The following ANKIB1 variants were observed in gnomAD, a reference collection of about 807,000 sequenced individuals.
The protein encoded by ANKIB1 is ankyrin repeat and IBR domain containing 1.
In ANKIB1, 43 loss-of-function variants were observed where a neutral mutation model predicts 122.1. The observed-to-expected ratio is 0.35, with a 90% confidence interval of 0.28 to 0.45. The LOEUF (loss-of-function observed/expected upper bound fraction) is 0.45, where lower values mean the gene tolerates loss of function less well. Ranked by LOEUF, ANKIB1 falls within the 20% of genes least tolerant of loss-of-function variation. The pLI, the probability that ANKIB1 is intolerant of heterozygous loss-of-function variation, is 1.00. For missense variants in ANKIB1, 992 were observed against 1,329.5 expected (o/e 0.75, Z 3.95); for synonymous variants, 390 against 442.0 (o/e 0.88, Z 1.48).
At chr7:92,359,530 A>G (rs922270993) in intron 9 of ANKIB1, among the ~76,000 whole-genome samples, 4 of 152,172 alleles carry the variant, frequency 2.6e-5, no homozygotes, top group African/African-American at 9.7e-5. Flanking sequence ...TGCAATAAAC[A>G]TATGTGTGTG....
chr7:92,260,177 C>G (rs1448829046), intron 1 of ANKIB1, among the ~76,000 whole-genome samples: 1 of 152,126 alleles, frequency 6.6e-6, no homozygotes, highest in South Asian at 2.1e-4. Flanking sequence ...AAGACCCTAC[C>G]TACACAGTTG....
At chr7:92,264,564 A>T (rs1205479790) in intron 1 of ANKIB1, among the ~76,000 whole-genome samples, 1 of 150,334 alleles carries the variant, frequency 6.7e-6, no homozygotes, top group Non-Finnish European at 1.5e-5. Context: ...CGCTTGACTA[A>T]TTTTTTTTTC....
At chr7:92,288,019 G>C (rs1435327626) in intron 1 of ANKIB1, among the ~76,000 whole-genome samples, 1 of 123,362 alleles carries the variant, frequency 8.1e-6, no homozygotes, top group Non-Finnish European at 1.6e-5. Flanking sequence ...CTGGGCGACA[G>C]AGCAAGACTC....
intron 10 of ANKIB1, among the ~76,000 whole-genome samples, chr7:92,363,786 C>T (rs564899507): frequency 6.6e-6 from 1 of 152,146 alleles, no homozygotes; most frequent in Admixed American, 6.5e-5. Context: ...CATTTTAGAT[C>T]TACGAGGGTC....
chr7:92,305,426 G>A (rs369575944), intron 2 of ANKIB1, among the ~76,000 whole-genome samples: 1 of 152,200 alleles, frequency 6.6e-6, no homozygotes, highest in Non-Finnish European at 1.5e-5. Flanking sequence ...TGAATTTGCT[G>A]TGTTTGTGAC....
In ANKIB1 at chr7:92,368,403, C is replaced by T. The variant is rs187913327; in HGVS notation, c.1487-3074C>T. 5.3e-5 allele frequency among the ~76,000 whole-genome samples: 8 copies of T among 151,478 alleles called. 1 individual carries two copies. In the East Asian group the frequency reaches 1.2e-3, roughly 22 times the overall value. ...TCACCAGATAGATTGAAGGGAGATA[C>T]GGTGTTGTTGGTGTTAAGAACAGTA... On this transcript the variant is annotated intron_variant, in intron 10 of 19. Transcript: ENST00000265742.
At chr7:92,271,924 A>G (rs539290062) in intron 1 of ANKIB1, among the ~76,000 whole-genome samples, 3 of 152,326 alleles carry the variant, frequency 2.0e-5, no homozygotes, top group African/African-American at 7.2e-5. Context: ...CTAGAACTGA[A>G]TGAAGGAGCT....
chr7:92,394,105 T>C (rs1440960500), intron 17 of ANKIB1, among the ~76,000 whole-genome samples: 2 of 152,216 alleles, frequency 1.3e-5, no homozygotes, highest in African/African-American at 4.8e-5. Flanking sequence ...GTTCTAAGTG[T>C]AACTTACTAG....
At chr7:92,346,271 T>C (rs1327504260) in intron 7 of ANKIB1, among the ~76,000 whole-genome samples, 2 of 152,124 alleles carry the variant, frequency 1.3e-5, no homozygotes, top group African/African-American at 4.8e-5. Context: ...GCTGGGACTA[T>C]AGGCACACAC....
chr7:92,293,169 A>C (rs1034013392), intron 1 of ANKIB1, among the ~76,000 whole-genome samples: 1 of 152,132 alleles, frequency 6.6e-6, no homozygotes, highest in Non-Finnish European at 1.5e-5. Flanking sequence ...TGAAAATCAC[A>C]TAAGGAGCTT....
intron 10 of ANKIB1, among the ~76,000 whole-genome samples, chr7:92,371,132 T>C (rs1804240976): frequency 6.6e-6 from 1 of 152,188 alleles, no homozygotes; most frequent in Admixed American, 6.5e-5. Context: ...CTTTCTGTAA[T>C]TTTCTGTGAT....
At chr7:92,273,670 G>A (rs775414275) in intron 1 of ANKIB1, among the ~76,000 whole-genome samples, 13 of 152,228 alleles carry the variant, frequency 8.5e-5, no homozygotes, top group Non-Finnish European at 1.3e-4. Flanking sequence ...GAGTATGGCA[G>A]GCCAGAACTA....
intron 9 of ANKIB1, 130 bp downstream of exon 9, chr7:92,352,772 G>A (rs1803694610): frequency 1.1e-6 from 1 of 933,536 alleles, no homozygotes; most frequent in Non-Finnish European, 1.6e-6. Context: ...TAAGAAATGT[G>A]TAAGAAGTAG....
intron 1 of ANKIB1, among the ~76,000 whole-genome samples, chr7:92,261,362 AAAAAG>A (rs1801559725): frequency 1.3e-5 from 2 of 150,170 alleles, no homozygotes; most frequent in Admixed American, 1.3e-4. Context: ...AAAAAAAAAA[AAAAAG>A]AAAAGAAATT....
chr7:92,263,563 C>T lies in ANKIB1; in HGVS notation c.-91+17044C>T, dbSNP rs115235242. Among the ~76,000 whole-genome samples the T allele has an allele frequency of 2.9e-3, 442 of 152,240 alleles. 4 individuals are homozygous for T. The highest frequency in any genetic ancestry group is 0.01 in the African/African-American group (420 of 41,550). ...TTTTTCTTCCCAGATTTGGTAATAT[C>T]TCTGGGGTAGCTAAGGTCAGGAATA... On this transcript the variant is annotated intron_variant, in intron 1 of 19. Coordinates refer to ENST00000265742, the MANE Select transcript of ANKIB1 (RefSeq NM_019004.2).
intron 3 of ANKIB1, among the ~76,000 whole-genome samples, chr7:92,313,680 A>G (rs1022094233): frequency 2.0e-5 from 3 of 152,176 alleles, no homozygotes; most frequent in African/African-American, 7.2e-5. Flanking sequence ...GGAGGAGGCT[A>G]TTCAAAATGT....
intron 14 of ANKIB1, among the ~76,000 whole-genome samples, chr7:92,388,501 A>T (rs1489787710): frequency 6.6e-6 from 1 of 152,212 alleles, no homozygotes; most frequent in Non-Finnish European, 1.5e-5. Context: ...TTCACTGGTA[A>T]ATAATGAACA....
chr7:92,342,015 T>C (rs1439674271), intron 5 of ANKIB1, among the ~76,000 whole-genome samples: 1 of 152,062 alleles, frequency 6.6e-6, no homozygotes, highest in African/African-American at 2.4e-5. Flanking sequence ...GTCATATTTA[T>C]CCTGTTAAAC....
At chr7:92,309,962 T>TATATATATATAAAA (rs1030276754) in intron 3 of ANKIB1, among the ~76,000 whole-genome samples, 80 of 139,380 alleles carry the variant, frequency 5.7e-4, no homozygotes, top group African/African-American at 2.1e-3. Flanking sequence ...TATATATATA[T>TATATATATATAAAA]AAATTAAATG....
Sources: allele counts gnomAD v4.1 joint callset (sites outside exome capture counted in the v4.1 genomes callset), GRCh38; gene constraint gnomAD v4.1.1; transcripts MANE v1.5; gene names NCBI Gene and HGNC (gene_info 2026-07-23, HGNC 2026-07-21).